Variants in RECQL4 observed in about 807,000 individuals in gnomAD.
RECQL4 encodes the protein RecQ like helicase 4.
In RECQL4, 158 loss-of-function variants were observed where a neutral mutation model predicts 128.6. The ratio of observed to expected loss-of-function variants is 1.23; its 90% CI spans 1.08 to 1.40. RECQL4 has a LOEUF of 1.40. Among genes scored for constraint, RECQL4 ranks in the 40% most tolerant of loss-of-function variants. RECQL4 has a pLI of 0.00. For synonymous variants in RECQL4, 996 were observed against 678.9 expected (o/e 1.47, Z -7.26); for missense variants, 2,293 against 1,649.8 (o/e 1.39, Z -6.75).
Position 144,511,894 on chromosome 8 carries a change from G to T in RECQL4, c.3393+17C>A, listed in dbSNP as rs776076152. 7.5e-6 allele frequency: 12 copies of T among 1,610,156 alleles called. No individual in the cohort carries two copies. The highest frequency in any genetic ancestry group is 8.5e-6 in the Non-Finnish European group (10 of 1,179,436). On this transcript the variant is annotated intron_variant, in intron 19 of 20. Coordinates refer to ENST00000617875, the MANE Select transcript of RECQL4 (RefSeq NM_004260.4). Reference sequence around the variant, plus strand: ...AACCTGCAACCCCGATGAGCTGCCTGGCCTTACTGCACTCACTCTGGCCTG... The same window carrying T: ...AACCTGCAACCCCGATGAGCTGCCTTGCCTTACTGCACTCACTCTGGCCTG...
rs2130725961 is a variant in RECQL4 at position 144,516,526 on chromosome 8, A to G, written c.593T>C (p.Val198Ala). The G allele has an allele frequency of 6.2e-7, 1 of 1,609,738 alleles. No homozygotes were observed. Among genetic ancestry groups the G allele is most frequent in the African/African-American group, 1.3e-5 (1 of 75,002 alleles). Residue 198 changes from valine to alanine, a missense_variant, in exon 5 of 21, where the codon GTC becomes GCC. Physicochemically the swap from Val to Ala is moderately conservative, Grantham distance 64 (BLOSUM62 0). Transcript: ENST00000617875. ...PGWLQRCHSEVPDFLGAPKAC... is the reference protein window; with the variant it reads ...PGWLQRCHSEAPDFLGAPKAC... ...TTTGGGGGCCCCCAGAAAATCTGGG[A>G]CCTCACTGTGACATCGCTGTAACCA...
In RECQL4 at chr8:144,512,784, C is replaced by G. The variant is rs2130668084; in HGVS notation, c.2756-13G>C. ...AAAGTCTCGATGGCTGGGGGCAGAG[C>G]AGGGCTCAGCGGACGCGGGGACAGC... is the stretch of plus-strand genomic sequence containing the variant. On this transcript the variant is annotated splice_polypyrimidine_tract_variant and intron_variant, in intron 15 of 20. Coordinates refer to ENST00000617875, the MANE Select transcript of RECQL4 (RefSeq NM_004260.4). 2 of 1,611,366 alleles carry G rather than the reference C, an allele frequency of 1.2e-6. No individual in the cohort carries two copies. Among genetic ancestry groups the G allele is most frequent in the Non-Finnish European group, 1.7e-6 (2 of 1,179,630 alleles).
chr8:144,512,330 G>A lies in RECQL4; in HGVS notation c.3056-6C>T, dbSNP rs748382510. The A allele has an allele frequency of 7.4e-6, 12 of 1,611,974 alleles. No homozygotes were observed. Among genetic ancestry groups the A allele is most frequent in the Middle Eastern group, 1.7e-4 (1 of 6,056 alleles). On this transcript the variant is annotated splice_region_variant and splice_polypyrimidine_tract_variant and intron_variant, in intron 17 of 20. Transcript: ENST00000617875. Reference sequence around the variant, plus strand: ...CCCTGTCCCACGCCGCACACCTGCCGGAAAGCATGTCAGATGCAGGCAGGC... The same window carrying A: ...CCCTGTCCCACGCCGCACACCTGCCAGAAAGCATGTCAGATGCAGGCAGGC...
Position 144,513,946 on chromosome 8 carries a change from C to A in RECQL4, c.2040G>T (p.Met680Ile). 1 of 1,557,542 alleles carries A rather than the reference C, an allele frequency of 6.4e-7. No homozygotes were observed. Among genetic ancestry groups the A allele is most frequent in the East Asian group, 2.4e-5 (1 of 41,346 alleles). Residue 680 changes from methionine (M) to isoleucine (I), a missense_variant, in exon 12 of 21, where the codon ATG (methionine) becomes ATT (isoleucine). Transcript: ENST00000617875. ...VPTNLHLSVS[M>I]DRDTDQALLT... ...CACCCACCTGGTCTGTGTCCCTGTC[C>A]ATGGACACGGAAAGGTGCAGGTTGG... is the stretch of plus-strand genomic sequence containing the variant.
Position 144,511,326 on chromosome 8 carries a change from GCCT to G in RECQL4, c.*102_*104del. On this transcript the variant is annotated 3_prime_UTR_variant, in exon 21 of 21. Transcript: ENST00000617875. ...AGCATTTTTTATTCTGCATTTTGGA[GCCT>G]CCTCGTTCCCACACCCTGTGGCAGG... The G allele has an allele frequency of 6.4e-7, 1 of 1,561,614 alleles. No individual in the cohort carries two copies. The highest frequency in any genetic ancestry group is 1.2e-5 in the South Asian group (1 of 85,384).
rs374365386 is a variant in RECQL4 at position 144,515,925 on chromosome 8, G to A, written c.1132-35C>T. On this transcript the variant is annotated intron_variant, in intron 5 of 20. Transcript: ENST00000617875. ...GCCCACATAGGAGGGTCACTGGGCGGGAAATACGGGAGGGCTGAGGGGAGG... is the reference window on the plus strand; with the variant it reads ...GCCCACATAGGAGGGTCACTGGGCGAGAAATACGGGAGGGCTGAGGGGAGG... 5.0e-6 allele frequency: 8 copies of A among 1,612,410 alleles called. No homozygotes were observed. The African/African-American group carries it at 8.0e-5, about 16-fold the overall frequency.
Position 144,517,081 on chromosome 8 carries a change from C to T in RECQL4, c.323G>A (p.Arg108Gln), listed in dbSNP as rs750502685. The T allele has an allele frequency of 3.1e-6, 5 of 1,612,226 alleles. No homozygotes were observed. Among genetic ancestry groups the T allele is most frequent in the Admixed American group, 1.7e-5 (1 of 60,004 alleles). The change falls in exon 4 of 21, where the codon CGG becomes CAG. Residue 108 changes from arginine (R) to glutamine (Q), a missense_variant. Physicochemically the swap from Arg to Gln is conservative, Grantham distance 43. Transcript: ENST00000617875. ...GGTGCCTTTCAGATTGGCCTTGAGC[C>T]GCTGCCCGTAGTCCGGCACCGAGCC... ...RQGSVPDYGQ[R>Q]LKANLKGTLQ...
chr8:144,514,076 A>G lies in RECQL4; in HGVS notation c.1910T>C (p.Phe637Ser), dbSNP rs386833848. The stretch of plus-strand genomic sequence containing the variant: ...TGTGGCTGTGGCTGTGAGGCCCAGG[A>G]AGCAGTGCACGCCCATGCGCTCCCG... The part of the protein sequence containing the change: ...VLRERMGVHC[F>S]LGLTATATRR... The change falls in exon 12 of 21, where the codon TTC becomes TCC. Residue 637 changes from phenylalanine (F) to serine (S), a missense_variant. Physicochemically the swap from Phe to Ser is radical, Grantham distance 155. Transcript: ENST00000617875. The G allele has an allele frequency of 1.6e-5, 25 of 1,594,652 alleles. No individual in the cohort carries two copies. The highest frequency in any genetic ancestry group is 2.1e-5 in the Non-Finnish European group (25 of 1,171,916).
intron 9 of RECQL4, 124 bp from the exon 10 acceptor site, chr8:144,514,649 C>T: frequency 9.1e-7 from 1 of 1,093,452 alleles, no homozygotes; most frequent in Non-Finnish European, 1.3e-6. Flanking sequence ...GGTCCTGGGT[C>T]CTAGGGCTAA....
rs1586819954 is a variant in RECQL4 at position 144,515,893 on chromosome 8, G to A, written c.1132-3C>T. 8 of 1,612,704 alleles carry A rather than the reference G, an allele frequency of 5.0e-6. No individual in the cohort carries two copies. The South Asian group carries it at 6.6e-5, about 13-fold the overall frequency. ...TTCCGCCACTTCTGCTTCCATGCCT[G>A]GGGGGTGCCCACATAGGAGGGTCAC... is the stretch of plus-strand genomic sequence containing the variant. On this transcript the variant is annotated splice_polypyrimidine_tract_variant and splice_region_variant and intron_variant, in intron 5 of 20. Coordinates refer to ENST00000617875, the MANE Select transcript of RECQL4 (RefSeq NM_004260.4).
rs145577986 is a variant in RECQL4, at chr8:144,513,731, CGTGGGCA to C, written c.2059-26_2059-20del. 3.9e-3 allele frequency: 5,134 copies of C among 1,315,252 alleles called. 36 individuals carry two copies. Among genetic ancestry groups the C allele is most frequent in the African/African-American group, 0.031 (1,710 of 55,792 alleles). The allele number at this position is 1,315,252 out of a possible 1,614,324, so 81.5% of individuals were successfully genotyped here. On this transcript the variant is annotated intron_variant, in intron 12 of 20. Coordinates refer to ENST00000617875, the MANE Select transcript of RECQL4 (RefSeq NM_004260.4). The stretch of plus-strand genomic sequence containing the variant: ...ACAGTGCCTGATGAGGAGCGGTTGG[CGTGGGCA>C]GTGGGGAGTGAGGAGGGGTCGGCGT...
rs2721191 is a variant in RECQL4 at position 144,514,295 on chromosome 8, G to C, written c.1772C>G (p.Pro591Arg). The C allele has an allele frequency of 6.2e-7, 1 of 1,611,000 alleles. No individual in the cohort carries two copies. The highest frequency in any genetic ancestry group is 1.3e-5 in the African/African-American group (1 of 74,848). ...AACTGGAGGCAGCTGTGCGGCTGGAGGGAGGCCTCCCGCCCCCACCAGTGC... is the reference window on the plus strand; with the variant it reads ...AACTGGAGGCAGCTGTGCGGCTGGACGGAGGCCTCCCGCCCCCACCAGTGC... ...PEALVGAGGL[P>R]PAAQLPPVAF... Residue 591 changes from proline (P) to arginine (R), a missense_variant, in exon 11 of 21, where the codon CCT becomes CGT. By Grantham distance (103) the Pro-to-Arg change is moderately radical. Coordinates refer to ENST00000617875, the MANE Select transcript of RECQL4 (RefSeq NM_004260.4).
At position 144,516,586 on chromosome 8, in the gene RECQL4, G is replaced by A. The variant is rs1203672864; in HGVS notation, c.533C>T (p.Ser178Phe). Reference protein sequence around the residue: ...RPGRLQHLQASLSQRLGSLDP... With the variant: ...RPGRLQHLQAFLSQRLGSLDP... ...TAGGGAGCCCAGCCGCTGGCTCAGGGATGCCTGCAGATGCTGGAGCCGGCC... is the reference window on the plus strand; with the variant it reads ...TAGGGAGCCCAGCCGCTGGCTCAGGAATGCCTGCAGATGCTGGAGCCGGCC... The change falls in exon 5 of 21, where the codon TCC becomes TTC. Residue 178 changes from serine to phenylalanine, a missense_variant. Coordinates refer to ENST00000617875, the MANE Select transcript of RECQL4 (RefSeq NM_004260.4). 2 of 1,610,046 alleles carry A rather than the reference G, an allele frequency of 1.2e-6. No homozygotes were observed. Among genetic ancestry groups the A allele is most frequent in the Admixed American group, 1.7e-5 (1 of 59,482 alleles).
Position 144,511,866 on chromosome 8 carries a change from G to A in RECQL4, c.3393+45C>T, listed in dbSNP as rs533732397. 5.0e-6 allele frequency: 8 copies of A among 1,610,266 alleles called. No individual in the cohort carries two copies. The African/African-American group carries it at 8.0e-5, about 16-fold the overall frequency. On this transcript the variant is annotated intron_variant, in intron 19 of 20. Coordinates refer to ENST00000617875, the MANE Select transcript of RECQL4 (RefSeq NM_004260.4). ...CACAGAGCAAGCCCCATGCAGCCCA[G>A]GGAACCTGCAACCCCGATGAGCTGC...
rs1827827905 is a variant in RECQL4, at chr8:144,514,280, A to G, written c.1787T>C (p.Leu596Pro). 6.2e-7 allele frequency: 1 copy of G among 1,611,908 alleles called. No individual in the cohort carries two copies. Among genetic ancestry groups the G allele is most frequent in the South Asian group, 1.1e-5 (1 of 91,074 alleles). Reference protein sequence around the residue: ...GAGGLPPAAQLPPVAFACIDE... With the variant: ...GAGGLPPAAQPPPVAFACIDE... ...AATGCAGGCAAAAGCAACTGGAGGC[A>G]GCTGTGCGGCTGGAGGGAGGCCTCC... The change falls in exon 11 of 21, where the codon CTG becomes CCG. Residue 596 changes from leucine (L) to proline (P), a missense_variant. Leu to Pro is a moderately conservative substitution (Grantham distance 98). Coordinates refer to ENST00000617875, the MANE Select transcript of RECQL4 (RefSeq NM_004260.4).
At position 144,512,710 on chromosome 8, in the gene RECQL4, C is replaced by A. The variant is rs202045203; in HGVS notation, c.2817G>T (p.Ala939=). The part of the protein sequence containing the change: ...LHPHHWLELL[A]TTYTHCRLNC... ...TCAGACGGCAATGGGTATAGGTGGT[C>A]GCCAGCAGCTCCAGCCAGTGGTGTG... Residue 939 remains alanine, a synonymous_variant, in exon 16 of 21, where the codon GCG becomes GCT. Coordinates refer to ENST00000617875, the MANE Select transcript of RECQL4 (RefSeq NM_004260.4). 6.2e-7 allele frequency: 1 copy of A among 1,612,240 alleles called. No homozygotes were observed. The highest frequency in any genetic ancestry group is 1.3e-5 in the African/African-American group (1 of 75,052).
rs1269107305 is a variant in RECQL4, at chr8:144,515,676, G to A, written c.1258+88C>T. ...TGGACCAGGGGTACCTGGAAGGCCT[G>A]TTGCTTGGAACATAAGTGTCCCCCA... On this transcript the variant is annotated intron_variant, in intron 6 of 20. Transcript: ENST00000617875. 3.9e-6 allele frequency: 6 copies of A among 1,534,472 alleles called. No homozygotes were observed. The East Asian group carries it at 7.1e-5, about 18-fold the overall frequency.
chr8:144,513,532 G>T (rs1437069008), intron 13 of RECQL4, 39 bp downstream of exon 13: 1 of 1,610,918 alleles, frequency 6.2e-7, no homozygotes, highest in Non-Finnish European at 8.5e-7. Context: ...GTGTGCCCAA[G>T]GTGGGTCCAC....
Position 144,513,405 on chromosome 8 carries a change from G to T in RECQL4, c.2276C>A (p.Ala759Asp). The T allele has an allele frequency of 6.2e-7, 1 of 1,608,676 alleles. No homozygotes were observed. The change falls in exon 14 of 21, where the codon GCC (alanine) becomes GAC (aspartate). Residue 759 changes from alanine (A) to aspartate (D), a missense_variant. Coordinates refer to ENST00000617875, the MANE Select transcript of RECQL4 (RefSeq NM_004260.4). ...CSRERRRVQR[A>D]FMQGQLRVVV... is the part of the protein sequence containing the mutation. ...CACCCGCAACTGGCCCTGCATGAAG[G>T]CTCGCTGTACCCGCCGCCGTTCCCG...
Sources: gnomAD v4.1 joint callset for allele counts on GRCh38, gnomAD v4.1.1 for gene constraint, MANE v1.5 for transcripts, NCBI Gene and HGNC (gene_info 2026-07-23, HGNC 2026-07-21) for gene names.